Variants in FBXW10B observed in about 807,000 individuals in gnomAD.
FBXW10B encodes the protein F-box and WD repeat domain containing protein 10B.
chr17:15,607,545 G>C, the FBXW10B span: 1 of 1,601,292 alleles, frequency 6.2e-7, no homozygotes, highest in Non-Finnish European at 8.5e-7. Flanking sequence ...AGCGTCCCTA[G>C]AGACCCAGAT....
At chr17:15,583,321 G>A in the FBXW10B span, among the ~76,000 whole-genome samples, 15 of 132,266 alleles carry the variant, frequency 1.1e-4, no homozygotes, top group South Asian at 8.5e-4. Context: ...CCCATCCATC[G>A]GGTCTCAGTT....
chr17:15,570,152 A>T, the FBXW10B span, among the ~76,000 whole-genome samples: 4 of 152,200 alleles, frequency 2.6e-5, no homozygotes, highest in Admixed American at 2.0e-4. Flanking sequence ...ATGATAAGAG[A>T]AAGAAATGAC....
At chr17:15,569,648 C>T in the FBXW10B span, among the ~76,000 whole-genome samples, 4 of 151,400 alleles carry the variant, frequency 2.6e-5, no homozygotes, top group East Asian at 3.9e-4. Flanking sequence ...TTTGTGTGGC[C>T]GGTTTCGAAC....
chr17:15,598,858 C>A, the FBXW10B span: 1 of 1,017,304 alleles, frequency 9.8e-7, no homozygotes. Context: ...AGTTTCCTTT[C>A]CTCATTGATA....
At chr17:15,589,226 T>C in the FBXW10B span, 20 of 1,613,870 alleles carry the variant, frequency 1.2e-5, 1 homozygote, top group Non-Finnish European at 1.7e-5. Flanking sequence ...CAGACTGAAA[T>C]TCTGTGGATG....
the FBXW10B span, among the ~76,000 whole-genome samples, chr17:15,590,759 A>G: frequency 6.6e-6 from 1 of 151,260 alleles, no homozygotes; most frequent in Non-Finnish European, 1.5e-5. Context: ...GGGACTTCCT[A>G]GGCTGTGCAT....
At chr17:15,619,584 G>C in the FBXW10B span, 6 of 1,537,376 alleles carry the variant, frequency 3.9e-6, no homozygotes, top group Non-Finnish European at 5.2e-6. Flanking sequence ...CTAGAGGAAC[G>C]GGGGGAAATG....
chr17:15,600,732 TG>T, the FBXW10B span, among the ~76,000 whole-genome samples: 1 of 151,640 alleles, frequency 6.6e-6, no homozygotes, highest in South Asian at 2.1e-4. Context: ...AAACAAAAGG[TG>T]GTATAGGCAT....
the FBXW10B span, among the ~76,000 whole-genome samples, chr17:15,608,587 G>A: frequency 6.6e-6 from 1 of 152,006 alleles, no homozygotes; most frequent in East Asian, 1.9e-4. Flanking sequence ...CTAAGTAGTG[G>A]GGATTACAGG....
chr17:15,611,895 A>G, the FBXW10B span, among the ~76,000 whole-genome samples: 72 of 152,322 alleles, frequency 4.7e-4, no homozygotes, highest in African/African-American at 1.7e-3. Context: ...GCTATATTTA[A>G]TTAACTTTCC....
the FBXW10B span, among the ~76,000 whole-genome samples, chr17:15,582,183 T>A: frequency 4.8e-5 from 7 of 146,994 alleles, no homozygotes; most frequent in Non-Finnish European, 7.5e-5. Flanking sequence ...AATCAAAGGC[T>A]GAATGGTATG....
the FBXW10B span, among the ~76,000 whole-genome samples, chr17:15,610,117 C>T: frequency 6.6e-6 from 1 of 152,242 alleles, no homozygotes; most frequent in South Asian, 2.1e-4. Flanking sequence ...CTGCCTCAGC[C>T]TCCCAAAGTG....
At chr17:15,591,637 T>C in the FBXW10B span, among the ~76,000 whole-genome samples, 5 of 152,322 alleles carry the variant, frequency 3.3e-5, no homozygotes, top group South Asian at 4.1e-4. Flanking sequence ...GTGAGTGCCA[T>C]GTACCTAGGG....
At chr17:15,601,070 A>AAAAAAAAG in the FBXW10B span, among the ~76,000 whole-genome samples, 1 of 146,660 alleles carries the variant, frequency 6.8e-6, no homozygotes, top group East Asian at 2.0e-4. Flanking sequence ...AAAAAAAAAA[A>AAAAAAAAG]GATAATATAT....
At chr17:15,619,549 C>T in the FBXW10B span, 19 of 1,594,602 alleles carry the variant, frequency 1.2e-5, no homozygotes, top group East Asian at 2.2e-5. Flanking sequence ...GCCCTGCGCA[C>T]TTGCAACGGC....
chr17:15,569,769 C>G, the FBXW10B span, among the ~76,000 whole-genome samples: 1 of 152,062 alleles, frequency 6.6e-6, no homozygotes, highest in Admixed American at 6.5e-5. Context: ...GACACAGTGT[C>G]TCACTATGTT....
chr17:15,613,572 A>C, the FBXW10B span: 1 of 1,484,580 alleles, frequency 6.7e-7, no homozygotes, highest in South Asian at 1.3e-5. Context: ...CACGAAAATG[A>C]AGCTGGTCTC....
At chr17:15,590,326 C>T in the FBXW10B span, among the ~76,000 whole-genome samples, 168 of 149,782 alleles carry the variant, frequency 1.1e-3, 1 homozygote, top group East Asian at 0.013. Flanking sequence ...GAGGGACTGG[C>T]ACAGATCAGG....
the FBXW10B span, chr17:15,613,555 G>A: frequency 7.2e-7 from 1 of 1,386,244 alleles, no homozygotes; most frequent in Non-Finnish European, 9.7e-7. Context: ...AGTCATATCA[G>A]CCTCAACACG....
Sources: gnomAD v4.1 joint callset for allele counts (sites outside exome capture counted in the v4.1 genomes callset) on GRCh38, gnomAD v4.1.1 for gene constraint, MANE v1.5 for transcripts, NCBI Gene and HGNC (gene_info 2026-07-23, HGNC 2026-07-21) for gene names.